WDR11: variants seen among roughly 807,000 people sequenced by gnomAD.
The protein encoded by WDR11 is WD repeat-containing protein 11.
A neutral mutation model predicts 151.2 loss-of-function variants in WDR11; 83 were observed. The observed-to-expected ratio is 0.55, with a 90% CI of 0.46 to 0.66. WDR11 has a LOEUF of 0.66. WDR11 is among the 30% of genes least tolerant of loss of function. The pLI, the probability that WDR11 is intolerant of heterozygous loss-of-function variation, is 0.00. For synonymous variants in WDR11, 484 were observed against 533.1 expected, an observed-to-expected ratio of 0.91 and a Z score of 1.27; for missense variants, 1,301 against 1,480.9, an observed-to-expected ratio of 0.88 and a Z score of 1.99.
At chr10:120,863,674 T>G (rs1846214861) in intron 5 of WDR11, among the ~76,000 whole-genome samples, 1 of 152,186 alleles carries the variant, frequency 6.6e-6, no homozygotes, top group Admixed American at 6.5e-5. Flanking sequence ...TTGGCAGGCT[T>G]TTTTGTTTGT....
In WDR11 at chr10:120,902,285, G is replaced by A. The variant is rs1847856544; in HGVS notation, c.2716G>A (p.Glu906Lys). ...NDIKKLLLDP[E>K]FTLLQRCLLV... ...CATAAAGAAACTGTTGCTTGATCCA[G>A]AATTCACTCTCTTGCAGAGGTGCCT... is the stretch of plus-strand genomic sequence containing the variant. Residue 906 changes from glutamate (E) to lysine (K), a missense_variant, in exon 22 of 29, where the codon GAA becomes AAA. By Grantham distance (56) the Glu-to-Lys change is moderately conservative. Around this residue, in one of 3 missense-constraint regions of WDR11, gnomAD observed 589 missense variants for 670.6 expected, o/e 0.88. Transcript: ENST00000263461. The A allele has an allele frequency of 3.7e-6, 6 of 1,614,150 alleles. No individual in the cohort carries two copies. Among genetic ancestry groups the A allele is most frequent in the Non-Finnish European group, 5.1e-6 (6 of 1,180,016 alleles).
At position 120,903,238 on chromosome 10, in the gene WDR11, C is replaced by T. The variant is rs1467453101; in HGVS notation, c.2931+6C>T. Reference sequence around the variant, plus strand: ...GTGAAAATGCCTACTTTCAGGTAGTCTGCTTCACACAGCAAAACCTTTAGA... The same window carrying T: ...GTGAAAATGCCTACTTTCAGGTAGTTTGCTTCACACAGCAAAACCTTTAGA... On this transcript the variant is annotated splice_donor_region_variant and intron_variant, in intron 23 of 28. Coordinates refer to ENST00000263461, the MANE Select transcript of WDR11 (RefSeq NM_018117.12). 1.2e-6 allele frequency: 2 copies of T among 1,614,014 alleles called. No homozygotes were observed. Among genetic ancestry groups the T allele is most frequent in the Non-Finnish European group, 1.7e-6 (2 of 1,180,012 alleles).
intron 13 of WDR11, among the ~76,000 whole-genome samples, chr10:120,882,204 C>T (rs1301165911): frequency 4.0e-5 from 6 of 151,816 alleles, no homozygotes; most frequent in Admixed American, 6.6e-5. Context: ...ATGACATTCC[C>T]GGAATAAACT....
chr10:120,867,088 T>C lies in WDR11; in HGVS notation c.1213T>C (p.Tyr405His). The C allele has an allele frequency of 6.2e-7, 1 of 1,613,774 alleles. No individual in the cohort carries two copies. The highest frequency in any genetic ancestry group is 8.5e-7 in the Non-Finnish European group (1 of 1,179,748). ...CAGTAGTTCTGGTGTGTCACCTTTATATTCACCAGTGTCTTTCTGTGGAAT... is the reference window on the plus strand; with the variant it reads ...CAGTAGTTCTGGTGTGTCACCTTTACATTCACCAGTGTCTTTCTGTGGAAT... ...RNSSSGVSPLYSPVSFCGIPV... is the reference protein window; with the variant it reads ...RNSSSGVSPLHSPVSFCGIPV... The change falls in exon 9 of 29, where the codon TAT becomes CAT. Residue 405 changes from tyrosine (Y) to histidine (H), a missense_variant. Physicochemically the swap from Tyr to His is moderately conservative, Grantham distance 83 (BLOSUM62 2). Transcript: ENST00000263461.
chr10:120,865,037 C>G lies in WDR11; in HGVS notation c.714-10C>G. The G allele has an allele frequency of 6.2e-7, 1 of 1,613,616 alleles. No individual in the cohort carries two copies. The highest frequency in any genetic ancestry group is 8.5e-7 in the Non-Finnish European group (1 of 1,179,634). ...AGTCTTTGACCCAAGTGAATGTTTA[C>G]TTTTTTCAGTGCTGAATTCATAACT... On this transcript the variant is annotated splice_polypyrimidine_tract_variant and intron_variant, in intron 5 of 28. Transcript: ENST00000263461.
At chr10:120,885,286 T>TACACAC (rs5788451) in intron 14 of WDR11, among the ~76,000 whole-genome samples, 4 of 147,342 alleles carry the variant, frequency 2.7e-5, no homozygotes, top group South Asian at 2.2e-4. Context: ...TATATATATA[T>TACACAC]ACACACACAC....
chr10:120,902,295 T>G lies in WDR11; in HGVS notation c.2726T>G (p.Leu909Arg), dbSNP rs1331132675. Reference protein sequence around the residue: ...KKLLLDPEFTLLQRCLLVSRL... With the variant: ...KKLLLDPEFTRLQRCLLVSRL... ...CTGTTGCTTGATCCAGAATTCACTC[T>G]CTTGCAGAGGTGCCTGCTTGTTTCA... The change falls in exon 22 of 29, where the codon CTC becomes CGC. Residue 909 changes from leucine to arginine, a missense_variant. This residue lies in a region of WDR11 where 589 missense variants were observed against 670.6 expected (regional missense o/e 0.88). Transcript: ENST00000263461. 6.2e-7 allele frequency: 1 copy of G among 1,614,044 alleles called. No homozygotes were observed. Among genetic ancestry groups the G allele is most frequent in the South Asian group, 1.1e-5 (1 of 91,080 alleles).
In WDR11 at chr10:120,866,711, G is replaced by A. The variant is rs776138964; in HGVS notation, c.1137G>A (p.Arg379=). 1.2e-6 allele frequency: 2 copies of A among 1,614,098 alleles called. No individual in the cohort carries two copies. The highest frequency in any genetic ancestry group is 1.7e-6 in the Non-Finnish European group (2 of 1,180,022). ...NAAALVVSDG[R]VMIWELKSAV... is the part of the protein sequence containing the mutation. ...CCGCCCTCGTAGTGAGTGATGGCAG[G>A]GTCATGATATGGGAACTCAAGTCTG... The change falls in exon 8 of 29, where the codon AGG becomes AGA. Residue 379 remains arginine (R), a synonymous_variant. Coordinates refer to ENST00000263461, the MANE Select transcript of WDR11 (RefSeq NM_018117.12).
chr10:120,874,181 T>G (rs1393765249), intron 11 of WDR11, among the ~76,000 whole-genome samples: 35 of 59,852 alleles, frequency 5.8e-4, no homozygotes, highest in Admixed American at 2.2e-3. Flanking sequence ...TTGCAGTTTT[T>G]TTTTTTTTTT....
chr10:120,856,966 C>G (rs1026019358), intron 2 of WDR11, among the ~76,000 whole-genome samples: 14 of 152,240 alleles, frequency 9.2e-5, no homozygotes, highest in African/African-American at 3.4e-4. Context: ...ATCAACTGAT[C>G]AATAGATAAC....
chr10:120,854,522 T>A (rs779929308), intron 2 of WDR11, among the ~76,000 whole-genome samples: 6 of 152,220 alleles, frequency 3.9e-5, no homozygotes, highest in Non-Finnish European at 8.8e-5. Flanking sequence ...TTGAGTATGT[T>A]TCTAGGGGTG....
intron 19 of WDR11, among the ~76,000 whole-genome samples, chr10:120,896,489 T>A (rs920707476): frequency 7.2e-5 from 11 of 152,058 alleles, no homozygotes; most frequent in Non-Finnish European, 1.2e-4. Flanking sequence ...CAAGACACAG[T>A]TGAACCAAAC....
intron 18 of WDR11, among the ~76,000 whole-genome samples, chr10:120,890,472 C>T (rs1847394237): frequency 6.6e-6 from 1 of 152,194 alleles, no homozygotes; most frequent in African/African-American, 2.4e-5. Flanking sequence ...CCTCAGCCTC[C>T]TAAAGTCCTG....
chr10:120,886,662 T>G, intron 15 of WDR11, 27 bp from the exon 16 acceptor site: 2 of 1,610,984 alleles, frequency 1.2e-6, no homozygotes, highest in Non-Finnish European at 8.5e-7. Context: ...AAAAAACATC[T>G]TTATCATATG....
chr10:120,869,364 C>A (rs6585669), intron 9 of WDR11, among the ~76,000 whole-genome samples: 1 of 152,048 alleles, frequency 6.6e-6, no homozygotes, highest in Non-Finnish European at 1.5e-5. Context: ...CCGCCCGCCT[C>A]GGCCTCCCAA....
chr10:120,873,554 T>C (rs575122622), intron 10 of WDR11, among the ~76,000 whole-genome samples: 1 of 152,222 alleles, frequency 6.6e-6, no homozygotes, highest in Non-Finnish European at 1.5e-5. Flanking sequence ...AAAGTGTTTC[T>C]TCAAATTGTA....
rs1257785201 is a variant in WDR11, at chr10:120,852,525, G to C, written c.88G>C (p.Gly30Arg). 1 of 1,613,654 alleles carries C rather than the reference G, an allele frequency of 6.2e-7. No homozygotes were observed. Among genetic ancestry groups the C allele is most frequent in the Non-Finnish European group, 8.5e-7 (1 of 1,179,814 alleles). Reference protein sequence around the residue: ...NAHNKAAVDWGWQGLIAYGCH... With the variant: ...NAHNKAAVDWRWQGLIAYGCH... The stretch of plus-strand genomic sequence containing the variant: ...ACTTTAACATTACTGTTTTGCTAGG[G>C]GCTGGCAAGGTTTAATTGCTTATGG... Residue 30 changes from glycine (G) to arginine (R), a missense_variant and splice_region_variant, in exon 2 of 29, where the codon GGC (glycine) becomes CGC (arginine). Coordinates refer to ENST00000263461, the MANE Select transcript of WDR11 (RefSeq NM_018117.12).
At chr10:120,887,368 C>A (rs977117497) in intron 16 of WDR11, among the ~76,000 whole-genome samples, 1 of 152,162 alleles carries the variant, frequency 6.6e-6, no homozygotes, top group African/African-American at 2.4e-5. Flanking sequence ...TCATTTGTGT[C>A]AGCATGCATC....
chr10:120,889,709 A>T, intron 17 of WDR11, 186 bp from the exon 18 acceptor site: 2 of 611,172 alleles, frequency 3.3e-6, no homozygotes. Context: ...TGGCCCCTGC[A>T]GAAGTCTTAG....
Sources: gnomAD v4.1 joint callset for allele counts (sites outside exome capture counted in the v4.1 genomes callset) on GRCh38, gnomAD v4.1.1 for gene constraint, gnomAD v4.1.1 regional missense constraint, MANE v1.5 for transcripts, NCBI Gene and HGNC (gene_info 2026-07-23, HGNC 2026-07-21) for gene names.